NUP155: variants seen among roughly 807,000 people sequenced by gnomAD.
NUP155 encodes nucleoporin 155, also known as nuclear pore complex protein Nup155.
A neutral mutation model predicts 180.4 loss-of-function variants in NUP155; 71 were observed. The observed-to-expected ratio is 0.39, with a 90% CI of 0.33 to 0.48. The LOEUF is 0.48. NUP155 is among the 20% of genes least tolerant of loss of function. The pLI, the probability that NUP155 is intolerant of heterozygous loss-of-function variation, is 0.91. For missense variants in NUP155, 1,553 were observed against 1,648.9 expected (o/e 0.94, Z 1.01); for synonymous variants, 582 against 559.5 (o/e 1.04, Z -0.57).
chr5:37,371,076 G>A lies in NUP155; in HGVS notation c.-99C>T. ...AGCTTAGATCCGCCGCCTAGGGCGC[G>A]CGCGCCAAACGAGCGCCTTGGCGCC... On this transcript the variant is annotated 5_prime_UTR_variant, in exon 1 of 35. Transcript: ENST00000231498. 2 of 1,340,744 alleles carry A rather than the reference G, an allele frequency of 1.5e-6. No homozygotes were observed. Among genetic ancestry groups the A allele is most frequent in the Non-Finnish European group, 2.1e-6 (2 of 960,984 alleles). 83.1% of individuals were successfully genotyped at this position (1,340,744 alleles called of 1,614,324 possible).
intron 20 of NUP155, among the ~76,000 whole-genome samples, chr5:37,321,745 T>C (rs977204791): frequency 2.6e-5 from 4 of 152,272 alleles, no homozygotes; most frequent in South Asian, 2.1e-4. Flanking sequence ...TATATATATA[T>C]GTATACACAC....
intron 9 of NUP155, among the ~76,000 whole-genome samples, chr5:37,345,985 C>T (rs1249633488): frequency 6.7e-6 from 1 of 149,972 alleles, no homozygotes; most frequent in Non-Finnish European, 1.5e-5. Flanking sequence ...GAAAAAAATT[C>T]CAGAAAAAAA....
At position 37,337,879 on chromosome 5, in the gene NUP155, T is replaced by A. The variant is rs141688173; in HGVS notation, c.1286A>T (p.Asp429Val). The A allele has an allele frequency of 6.7e-4, 1,085 of 1,610,664 alleles. 2 individuals carry two copies. Among genetic ancestry groups the A allele is most frequent in the Non-Finnish European group, 8.6e-4 (1,018 of 1,178,274 alleles). ...LMAASENEDN[D>V]ILWCVNHDTF... ...ATCATGGTTGACACACCATAAAATA[T>A]CATTATCCTCATTTTCTGAGGCTGC... Residue 429 changes from aspartate to valine, a missense_variant, in exon 12 of 35, where the codon GAT becomes GTT. Physicochemically the swap from Asp to Val is radical, Grantham distance 152. Transcript: ENST00000231498.
Position 37,302,813 on chromosome 5 carries a change from C to G in NUP155, c.3413G>C (p.Gly1138Ala). The G allele has an allele frequency of 6.2e-7, 1 of 1,613,772 alleles. No individual in the cohort carries two copies. Among genetic ancestry groups the G allele is most frequent in the Non-Finnish European group, 8.5e-7 (1 of 1,179,808 alleles). The change falls in exon 29 of 35, where the codon GGT becomes GCT. Residue 1138 changes from glycine (G) to alanine (A), a missense_variant. Physicochemically the swap from Gly to Ala is moderately conservative, Grantham distance 60 (BLOSUM62 0). Transcript: ENST00000231498. Reference sequence around the variant, plus strand: ...TTCTTCTAATTCATGAAGAAATTCACCATCGGCAGCTATTGATGAAATGGC... The same window carrying G: ...TTCTTCTAATTCATGAAGAAATTCAGCATCGGCAGCTATTGATGAAATGGC... ...STAISSIAAD[G>A]EFLHELEEKM... is the part of the protein sequence containing the mutation.
intron 20 of NUP155, 92 bp from the exon 21 acceptor site, chr5:37,318,177 T>C (rs956364762): frequency 1.1e-6 from 1 of 876,574 alleles, no homozygotes; most frequent in Non-Finnish European, 1.9e-6. Context: ...TATGTTTACT[T>C]TTTTTAAATA....
chr5:37,364,788 C>G (rs1747448124), intron 1 of NUP155, among the ~76,000 whole-genome samples: 1 of 151,810 alleles, frequency 6.6e-6, no homozygotes, highest in Non-Finnish European at 1.5e-5. Flanking sequence ...AGGCGTCCGC[C>G]ACCACACCCG....
At chr5:37,329,429 A>G in intron 15 of NUP155, 151 bp from the exon 16 acceptor site, 1 of 664,494 alleles carries the variant, frequency 1.5e-6, no homozygotes, top group Non-Finnish European at 2.7e-6. Context: ...GTATATGCAT[A>G]AGACTTATAA....
At chr5:37,367,198 C>T (rs1336853598) in intron 1 of NUP155, among the ~76,000 whole-genome samples, 1 of 151,964 alleles carries the variant, frequency 6.6e-6, no homozygotes, top group Non-Finnish European at 1.5e-5. Flanking sequence ...TGTCATGACA[C>T]CATGCCTAGC....
rs1745451839 is a variant in NUP155, at chr5:37,337,991, G to T, written c.1247-73C>A. On this transcript the variant is annotated intron_variant, in intron 11 of 34. Coordinates refer to ENST00000231498, the MANE Select transcript of NUP155 (RefSeq NM_153485.3). ...TCCTCAATAACCTTAATAATTATTA[G>T]GTTAGTGCAAAAGCAATTGCGGTTT... 9.2e-6 allele frequency: 9 copies of T among 975,920 alleles called. No homozygotes were observed. In the South Asian group the frequency reaches 1.3e-4, roughly 14 times the overall value. The allele number at this position is 975,920 out of a possible 1,614,324, so 60.5% of individuals were successfully genotyped here. A position where few individuals can be genotyped will look rare whatever the true frequency, so the allele number is the denominator to read the frequency against.
intron 3 of NUP155, among the ~76,000 whole-genome samples, chr5:37,358,719 G>A (rs1417444600): frequency 6.6e-6 from 1 of 152,018 alleles, no homozygotes; most frequent in East Asian, 1.9e-4. Context: ...TTTAGACACA[G>A]AATATAATGA....
intron 11 of NUP155, 88 bp downstream of exon 11, chr5:37,341,002 T>G: frequency 9.1e-7 from 1 of 1,103,212 alleles, no homozygotes; most frequent in Non-Finnish European, 1.3e-6. Flanking sequence ...ACTGTTGCCA[T>G]AGGGTATTTT....
At chr5:37,331,595 T>C in intron 14 of NUP155, 90 bp downstream of exon 14, 2 of 651,566 alleles carry the variant, frequency 3.1e-6, no homozygotes, top group Non-Finnish European at 5.2e-6. Flanking sequence ...TATATATTTA[T>C]TACAGTATTC....
At chr5:37,347,162 T>G (rs926524996) in intron 9 of NUP155, among the ~76,000 whole-genome samples, 1 of 151,674 alleles carries the variant, frequency 6.6e-6, no homozygotes, top group African/African-American at 2.4e-5. Context: ...CAGGAGGTGG[T>G]GATTGCAGCA....
At chr5:37,356,684 A>T (rs1279548919) in intron 4 of NUP155, among the ~76,000 whole-genome samples, 1 of 152,132 alleles carries the variant, frequency 6.6e-6, no homozygotes, top group African/African-American at 2.4e-5. Context: ...TTTTAAATTT[A>T]AATCAATCAA....
chr5:37,295,738 C>G (rs1025561043), intron 32 of NUP155, among the ~76,000 whole-genome samples: 6 of 151,850 alleles, frequency 4.0e-5, no homozygotes, highest in Admixed American at 2.0e-4. Flanking sequence ...GCCCGGCCAC[C>G]CCGTCTGAGA....
intron 32 of NUP155, among the ~76,000 whole-genome samples, chr5:37,298,332 A>G (rs756752116): frequency 2.0e-5 from 3 of 152,058 alleles, no homozygotes; most frequent in Non-Finnish European, 4.4e-5. Flanking sequence ...TTATGGATGT[A>G]TTTATGTTGC....
At position 37,293,924 on chromosome 5, in the gene NUP155, G is replaced by A. The variant is rs552881382; in HGVS notation, c.3930+405C>T. 1.0e-4 allele frequency among the ~76,000 whole-genome samples: 10 copies of A among 95,574 alleles called. No individual in the cohort carries two copies. In the East Asian group the frequency reaches 1.4e-3, roughly 13 times the overall value. 62.7% of individuals were successfully genotyped at this position (95,574 alleles called of 152,430 possible). A position where few individuals can be genotyped will look rare whatever the true frequency, so the allele number is the denominator to read the frequency against. On this transcript the variant is annotated intron_variant, in intron 33 of 34. Transcript: ENST00000231498. ...TGAGGCAGGAGAATGGCGTGAACCC[G>A]GGAAGCGGAGCTTGCAGTGAGCCGA...
chr5:37,328,054 G>C (rs551499711), intron 17 of NUP155, among the ~76,000 whole-genome samples: 30 of 152,250 alleles, frequency 2.0e-4, no homozygotes, highest in Admixed American at 1.1e-3. Context: ...GAATGAAAAG[G>C]AAACAAACTT....
rs79019688 is a variant in NUP155, at chr5:37,325,838, T to C, written c.2091+63A>G. On this transcript the variant is annotated intron_variant, in intron 19 of 34. Transcript: ENST00000231498. ...TGTAATATCAGGAAATGTGAAACAA[T>C]CTAACCATTTATACCATCAACTGGC... The C allele has an allele frequency of 0.17, 151,046 of 914,792 alleles. 12,487 individuals carry two copies. Among genetic ancestry groups the C allele is most frequent in the South Asian group, 0.2 (14,607 of 72,956 alleles). 56.7% of individuals were successfully genotyped at this position (914,792 alleles called of 1,614,324 possible).
Sources: gnomAD v4.1 joint callset for allele counts (sites outside exome capture counted in the v4.1 genomes callset) on GRCh38, gnomAD v4.1.1 for gene constraint, MANE v1.5 for transcripts, NCBI Gene and HGNC (gene_info 2026-07-23, HGNC 2026-07-21) for gene names.